The following CAB39 variants were observed in gnomAD, a reference collection of about 807,000 sequenced individuals.
CAB39 encodes the protein calcium binding protein 39.
CAB39 carries 8 observed loss-of-function variants against 40.0 expected under a neutral mutation model. The ratio of observed to expected loss-of-function variants is 0.20; its 90% CI spans 0.12 to 0.36. The LOEUF is 0.36. CAB39 is among the 10% of genes least tolerant of loss of function. The pLI is 1.00. For synonymous variants in CAB39, 156 were observed against 141.6 expected, an observed-to-expected ratio of 1.10 and a Z score of -0.72; for missense variants, 270 against 401.1, an observed-to-expected ratio of 0.67 and a Z score of 2.79.
At chr2:230,809,468 C>T (rs1041293537) in intron 5 of CAB39, among the ~76,000 whole-genome samples, 11 of 152,218 alleles carry the variant, frequency 7.2e-5, no homozygotes, top group African/African-American at 2.7e-4. Context: ...CCTGCTGTCA[C>T]TTGTTCCCAT....
chr2:230,796,096 G>A (rs983068156), intron 4 of CAB39, among the ~76,000 whole-genome samples: 3 of 152,082 alleles, frequency 2.0e-5, no homozygotes, highest in African/African-American at 4.8e-5. Context: ...GCTTTCTGGC[G>A]TAGGATGACC....
chr2:230,782,325 A>G (rs1230150725), intron 2 of CAB39, among the ~76,000 whole-genome samples: 3 of 151,994 alleles, frequency 2.0e-5, no homozygotes, highest in Non-Finnish European at 2.9e-5. Context: ...ATAATTGTCC[A>G]TGGTTATTTG....
intron 1 of CAB39, among the ~76,000 whole-genome samples, chr2:230,751,755 T>G (rs972241493): frequency 6.6e-6 from 1 of 152,112 alleles, no homozygotes; most frequent in Non-Finnish European, 1.5e-5. Context: ...TGTCATCTGG[T>G]CTCCATCTGT....
chr2:230,721,166 C>T (rs147447037), intron 1 of CAB39, among the ~76,000 whole-genome samples: 349 of 152,242 alleles, frequency 2.3e-3, no homozygotes, highest in African/African-American at 8.2e-3. Context: ...CATGGTGGCT[C>T]GTGCCTGTAA....
chr2:230,727,193 A>G (rs952085832), intron 1 of CAB39, among the ~76,000 whole-genome samples: 3 of 151,572 alleles, frequency 2.0e-5, no homozygotes, highest in Non-Finnish European at 4.4e-5. Context: ...GAACACTTGA[A>G]TAGATTGTTA....
chr2:230,771,167 C>T (rs1417931793), intron 2 of CAB39, among the ~76,000 whole-genome samples: 2 of 152,030 alleles, frequency 1.3e-5, no homozygotes, highest in African/African-American at 2.4e-5. Flanking sequence ...AACTAGTAGA[C>T]TAGTAAATAA....
intron 2 of CAB39, among the ~76,000 whole-genome samples, chr2:230,760,333 A>G (rs1352016798): frequency 1.3e-5 from 2 of 152,124 alleles, no homozygotes; most frequent in Non-Finnish European, 2.9e-5. Context: ...GTTTATTTAA[A>G]TTGTGTTTAT....
At chr2:230,782,086 G>A (rs967881918) in intron 2 of CAB39, among the ~76,000 whole-genome samples, 6 of 152,196 alleles carry the variant, frequency 3.9e-5, no homozygotes, top group South Asian at 2.1e-4. Flanking sequence ...GGTTGGTCTC[G>A]AACTCCTGAC....
intron 5 of CAB39, among the ~76,000 whole-genome samples, chr2:230,808,049 T>C (rs1199635830): frequency 7.8e-6 from 1 of 127,540 alleles, no homozygotes; most frequent in Admixed American, 7.0e-5. Context: ...TGCCAGGCAC[T>C]TTTTTTCTTT....
At chr2:230,768,011 G>C (rs935095018) in intron 2 of CAB39, among the ~76,000 whole-genome samples, 1 of 152,064 alleles carries the variant, frequency 6.6e-6, no homozygotes, top group African/African-American at 2.4e-5. Flanking sequence ...TGCACTATAC[G>C]TAATGATATA....
At chr2:230,720,969 A>G (rs184130477) in intron 1 of CAB39, among the ~76,000 whole-genome samples, 159 of 152,256 alleles carry the variant, frequency 1.0e-3, no homozygotes, top group African/African-American at 3.6e-3. Flanking sequence ...AGTTTTTCCT[A>G]TGTATGTAAG....
chr2:230,736,725 C>CA (rs1252652843), intron 1 of CAB39, among the ~76,000 whole-genome samples: 1 of 152,096 alleles, frequency 6.6e-6, no homozygotes, highest in Non-Finnish European at 1.5e-5. Context: ...CAAAAAATCT[C>CA]AAAAACTTGA....
chr2:230,807,160 C>T (rs915054836), intron 5 of CAB39, among the ~76,000 whole-genome samples: 1 of 152,132 alleles, frequency 6.6e-6, no homozygotes, highest in Non-Finnish European at 1.5e-5. Flanking sequence ...CTAAACTTTG[C>T]AGGTCTGCAT....
At chr2:230,736,777 T>C (rs1430530847) in intron 1 of CAB39, among the ~76,000 whole-genome samples, 3 of 152,082 alleles carry the variant, frequency 2.0e-5, no homozygotes, top group African/African-American at 7.2e-5. Flanking sequence ...ATGAAGTACC[T>C]GAGTTCAAGT....
chr2:230,748,828 AAAAATAT>A (rs1428063257), intron 1 of CAB39, among the ~76,000 whole-genome samples: 34 of 62,730 alleles, frequency 5.4e-4, no homozygotes, highest in African/African-American at 1.2e-3. Flanking sequence ...AAAAAAAAAA[AAAAATAT>A]ATATATATAT....
Position 230,817,801 on chromosome 2 carries a change from A to G in CAB39, c.741A>G (p.Thr247=). Residue 247 remains threonine (T), a synonymous_variant, in exon 8 of 9, where the codon ACA becomes ACG. Transcript: ENST00000258418. The stretch of plus-strand genomic sequence containing the variant: ...ATAGACACAACTTCACAATTATGAC[A>G]AAATACATCAGTAAACCTGAGAACC... The part of the protein sequence containing the change: ...LLDRHNFTIM[T]KYISKPENLK... 1.9e-6 allele frequency: 3 copies of G among 1,612,384 alleles called. No individual in the cohort carries two copies. The highest frequency in any genetic ancestry group is 2.5e-6 in the Non-Finnish European group (3 of 1,178,886).
At chr2:230,752,387 T>C (rs1386047238) in intron 1 of CAB39, 2 of 152,182 alleles carry the variant, frequency 1.3e-5, no homozygotes, top group Non-Finnish European at 2.9e-5. Flanking sequence ...AACAAATTTA[T>C]TTCTCACAGT....
At chr2:230,766,888 A>G (rs912541753) in intron 2 of CAB39, among the ~76,000 whole-genome samples, 1 of 152,210 alleles carries the variant, frequency 6.6e-6, no homozygotes, top group East Asian at 1.9e-4. Context: ...ATCACCAACC[A>G]TATCTAGAAA....
At chr2:230,752,107 A>C (rs542229595) in intron 1 of CAB39, 3 of 135,108 alleles carry the variant, frequency 2.2e-5, no homozygotes, top group Non-Finnish European at 4.6e-5. Context: ...ATGTGCTTTT[A>C]AAAAGCAATG....
Sources: gnomAD v4.1 joint callset for allele counts (sites outside exome capture counted in the v4.1 genomes callset) on GRCh38, gnomAD v4.1.1 for gene constraint, MANE v1.5 for transcripts, NCBI Gene and HGNC (gene_info 2026-07-23, HGNC 2026-07-21) for gene names.